The following MKX variants were observed in gnomAD, a reference collection of about 807,000 sequenced individuals.
MKX encodes homeobox protein Mohawk.
MKX carries 13 observed loss-of-function variants against 36.0 expected under a neutral mutation model. The ratio of observed to expected loss-of-function variants is 0.36; its 90% CI spans 0.24 to 0.57. The LOEUF (loss-of-function observed/expected upper bound fraction) is 0.57, where lower values mean the gene tolerates loss of function less well. Ranked by LOEUF, MKX falls within the 20% of genes least tolerant of loss-of-function variation. MKX has a pLI of 0.79. For synonymous variants in MKX, 176 were observed against 178.3 expected (o/e 0.99, Z 0.10); for missense variants, 458 against 456.4 (o/e 1.00, Z -0.03).
chr10:27,732,928 T>C (rs960248876), intron 5 of MKX, among the ~76,000 whole-genome samples: 1 of 152,026 alleles, frequency 6.6e-6, no homozygotes, highest in Admixed American at 6.6e-5. Flanking sequence ...AAAAAAAAAT[T>C]TGTAGCAATG....
rs183333416 is a variant in MKX at position 27,704,656 on chromosome 10, G to A, written c.839-29102C>T. ...CTGGGTAACTGTGGAAAAAAATAAA[G>A]TTGGACATTTTTGTCACACCATATT... On this transcript the variant is annotated intron_variant, in intron 5 of 6. Coordinates refer to ENST00000419761, the MANE Select transcript of MKX (RefSeq NM_173576.3). 9.1e-4 allele frequency among the ~76,000 whole-genome samples: 138 copies of A among 152,210 alleles called. 1 individual carries two copies. In the Middle Eastern group the frequency reaches 0.017, roughly 19 times the overall value.
Position 27,675,246 on chromosome 10 carries a change from G to C in MKX, c.1042C>G (p.Leu348Val), listed in dbSNP as rs895731964. 8 of 1,613,806 alleles carry C rather than the reference G, an allele frequency of 5.0e-6. No homozygotes were observed. In the East Asian group the frequency reaches 1.8e-4, roughly 36 times the overall value. Residue 348 changes from leucine (L) to valine (V), a missense_variant, in exon 7 of 7, where the codon CTG (leucine) becomes GTG (valine). Leu to Val is a conservative substitution (Grantham distance 32). Transcript: ENST00000419761. The part of the protein sequence containing the change: ...IAEVKTVKVP[L>V]VQQF ...ACAAGCTCTTAAAACTGCTGCACCA[G>C]CGGCACTTTGACAGTCTTTACTTCT...
chr10:27,737,726 T>A (rs1248423369), intron 3 of MKX, among the ~76,000 whole-genome samples: 1 of 152,150 alleles, frequency 6.6e-6, no homozygotes, highest in Non-Finnish European at 1.5e-5. Context: ...TTCCCCTAGA[T>A]CATTCATATT....
chr10:27,710,083 T>G (rs1329848847), intron 5 of MKX, among the ~76,000 whole-genome samples: 1 of 152,204 alleles, frequency 6.6e-6, no homozygotes, highest in African/African-American at 2.4e-5. Context: ...ATGTGGCTAT[T>G]GGCTACCATA....
At chr10:27,684,857 T>C (rs1043975196) in intron 5 of MKX, among the ~76,000 whole-genome samples, 2 of 152,152 alleles carry the variant, frequency 1.3e-5, no homozygotes, top group Non-Finnish European at 2.9e-5. Context: ...CAGACATTAG[T>C]TAGATTCTCA....
chr10:27,720,403 C>T (rs1383312880), intron 5 of MKX, among the ~76,000 whole-genome samples: 1 of 150,538 alleles, frequency 6.6e-6, no homozygotes, highest in Non-Finnish European at 1.5e-5. Context: ...TAAAGTGAAT[C>T]CAGAAATATA....
At chr10:27,680,862 G>A (rs926054044) in intron 5 of MKX, among the ~76,000 whole-genome samples, 4 of 152,114 alleles carry the variant, frequency 2.6e-5, no homozygotes, top group African/African-American at 9.7e-5. Context: ...TCATGGAAAG[G>A]GAAGTAAATG....
intron 5 of MKX, among the ~76,000 whole-genome samples, chr10:27,682,176 G>A (rs537431746): frequency 3.0e-4 from 46 of 152,106 alleles, no homozygotes; most frequent in African/African-American, 1.0e-3. Flanking sequence ...AATAAAAAAT[G>A]AAAAATTTTA....
In MKX at chr10:27,734,823, G is replaced by T. The variant is rs375810471; in HGVS notation, c.503-32C>A. 11 of 1,450,728 alleles carry T rather than the reference G, an allele frequency of 7.6e-6. No individual in the cohort carries two copies. The Admixed American group carries it at 2.4e-4, about 32-fold the overall frequency. The allele number at this position is 1,450,728 out of a possible 1,614,324, so 89.9% of individuals were successfully genotyped here. On this transcript the variant is annotated intron_variant, in intron 4 of 6. Transcript: ENST00000419761. The stretch of plus-strand genomic sequence containing the variant: ...TGGAACAGTATCACTAAGTAGGGTG[G>T]TATGCATACTTTCCCCCAGCCACCC...
chr10:27,696,289 A>C (rs899367874), intron 5 of MKX, among the ~76,000 whole-genome samples: 2 of 152,172 alleles, frequency 1.3e-5, no homozygotes, highest in African/African-American at 4.8e-5. Flanking sequence ...GTAGCAAACA[A>C]TTGGTACTCT....
chr10:27,741,288 C>A lies in MKX; in HGVS notation c.348+57G>T. ...GAGAGCCACACGAACTCTAAGCGTT[C>A]CCGCTCTTCAGCCCCTCGCGGGAAA... On this transcript the variant is annotated intron_variant, in intron 3 of 6. Coordinates refer to ENST00000419761, the MANE Select transcript of MKX (RefSeq NM_173576.3). The surrounding 1 kb of genome is among the most constrained non-coding windows in gnomAD (Gnocchi z 5.1). 6.2e-7 allele frequency: 1 copy of A among 1,601,036 alleles called. No homozygotes were observed. The highest frequency in any genetic ancestry group is 8.5e-7 in the Non-Finnish European group (1 of 1,174,402).
intron 5 of MKX, among the ~76,000 whole-genome samples, chr10:27,709,583 G>C (rs548966250): frequency 1.3e-5 from 2 of 152,222 alleles, no homozygotes; most frequent in Non-Finnish European, 2.9e-5. Flanking sequence ...ATGTGGCTCT[G>C]TTCCACATGT....
chr10:27,722,910 T>C (rs1834410894), intron 5 of MKX, among the ~76,000 whole-genome samples: 1 of 152,148 alleles, frequency 6.6e-6, no homozygotes, highest in South Asian at 2.1e-4. Context: ...AGCATTTCAC[T>C]GAGTCTGTGT....
intron 5 of MKX, among the ~76,000 whole-genome samples, chr10:27,710,986 A>G (rs1378731242): frequency 1.3e-5 from 2 of 152,176 alleles, no homozygotes; most frequent in Admixed American, 6.5e-5. Context: ...ATTTGTGCTT[A>G]CCAATTATAT....
intron 5 of MKX, among the ~76,000 whole-genome samples, chr10:27,676,639 G>A (rs1287852718): frequency 6.6e-6 from 1 of 152,088 alleles, no homozygotes; most frequent in Non-Finnish European, 1.5e-5. Flanking sequence ...GCCTCCTAAA[G>A]TGCTGGGATT....
At chr10:27,706,989 G>T (rs1589671781) in intron 5 of MKX, among the ~76,000 whole-genome samples, 1 of 152,192 alleles carries the variant, frequency 6.6e-6, no homozygotes, top group Non-Finnish European at 1.5e-5. Flanking sequence ...ACAAAGCACT[G>T]TTCGTCATGG....
At chr10:27,677,531 A>G (rs1836176433) in intron 5 of MKX, among the ~76,000 whole-genome samples, 1 of 152,226 alleles carries the variant, frequency 6.6e-6, no homozygotes, top group African/African-American at 2.4e-5. Flanking sequence ...CCCATGAGGC[A>G]GCCAAGCTTC....
intron 5 of MKX, among the ~76,000 whole-genome samples, chr10:27,690,716 G>T (rs1165422628): frequency 5.3e-5 from 8 of 152,152 alleles, no homozygotes; most frequent in Non-Finnish European, 1.0e-4. Flanking sequence ...AAGTCAGGGT[G>T]CAAATCATCC....
At chr10:27,735,121 G>A (rs774469739) in intron 4 of MKX, 100 bp downstream of exon 4, 85 of 1,130,246 alleles carry the variant, frequency 7.5e-5, no homozygotes, top group Admixed American at 1.6e-4. Flanking sequence ...AACCGTTAAG[G>A]CACCATCATA....
Sources: allele counts gnomAD v4.1 joint callset (sites outside exome capture counted in the v4.1 genomes callset), GRCh38; gene constraint gnomAD v4.1.1; non-coding constraint Gnocchi (gnomAD v3.1); transcripts MANE v1.5; gene names NCBI Gene and HGNC (gene_info 2026-07-23, HGNC 2026-07-21).